The following CDH18 variants were observed in gnomAD, a reference collection of about 807,000 sequenced individuals.
CDH18 encodes the protein cadherin 18.
A neutral mutation model predicts 67.9 loss-of-function variants in CDH18; 31 were observed. The ratio of observed to expected loss-of-function variants is 0.46; its 90% CI spans 0.34 to 0.62. The LOEUF (loss-of-function observed/expected upper bound fraction) is 0.62. Among genes scored for constraint, CDH18 ranks in the 20% least tolerant of loss-of-function variants. The pLI is 0.01. For synonymous variants in CDH18, 362 were observed against 347.2 expected, an observed-to-expected ratio of 1.04 and a Z score of -0.48; for missense variants, 890 against 975.5, an observed-to-expected ratio of 0.91 and a Z score of 1.17.
intron 1 of CDH18, among the ~76,000 whole-genome samples, chr5:20,368,083 G>T (rs1381390130): frequency 6.6e-6 from 1 of 152,148 alleles, no homozygotes; most frequent in Non-Finnish European, 1.5e-5. Context: ...TGGGACTCCT[G>T]GGGTGAAATG....
chr5:19,487,424 A>C (rs1046971901), intron 11 of CDH18, among the ~76,000 whole-genome samples: 2 of 152,132 alleles, frequency 1.3e-5, no homozygotes, highest in African/African-American at 4.8e-5. Context: ...ATTTTAAACC[A>C]ATAATATGTG....
chr5:19,721,168 T>C (rs1766039916), intron 5 of CDH18, among the ~76,000 whole-genome samples, 179 bp downstream of exon 5: 1 of 152,208 alleles, frequency 6.6e-6, no homozygotes, highest in Admixed American at 6.5e-5. Flanking sequence ...AAGCATAATA[T>C]ATGTACATTA....
intron 1 of CDH18, among the ~76,000 whole-genome samples, chr5:20,377,702 A>G (rs1743576276): frequency 6.6e-6 from 1 of 152,214 alleles, no homozygotes; most frequent in Non-Finnish European, 1.5e-5. Context: ...ATACCACAGC[A>G]TCTAAATCAT....
chr5:19,746,178 T>C (rs1240226997), intron 4 of CDH18, among the ~76,000 whole-genome samples: 1 of 152,080 alleles, frequency 6.6e-6, no homozygotes, highest in East Asian at 1.9e-4. Flanking sequence ...CAAAAATAAA[T>C]TCAAATAGCT....
chr5:20,292,366 G>A (rs1158831174), intron 1 of CDH18, among the ~76,000 whole-genome samples: 2 of 152,116 alleles, frequency 1.3e-5, no homozygotes, highest in Non-Finnish European at 2.9e-5. Flanking sequence ...GAGAAATAAA[G>A]GAGAGAAATG....
intron 1 of CDH18, among the ~76,000 whole-genome samples, chr5:20,553,583 C>T (rs1392240084): frequency 1.3e-5 from 2 of 152,086 alleles, no homozygotes; most frequent in African/African-American, 4.8e-5. Context: ...AACCATGTTC[C>T]CAGGAAGATG....
intron 10 of CDH18, among the ~76,000 whole-genome samples, chr5:19,503,455 A>T (rs979746195): frequency 3.9e-5 from 6 of 152,110 alleles, no homozygotes; most frequent in African/African-American, 1.4e-4. Flanking sequence ...TATTGTTTGC[A>T]TAAATATAAA....
intron 2 of CDH18, among the ~76,000 whole-genome samples, chr5:20,139,913 T>G (rs922002974): frequency 2.2e-4 from 33 of 152,182 alleles, no homozygotes; most frequent in African/African-American, 8.0e-4. Flanking sequence ...AGTGTAGTGT[T>G]TCCTTAAGGA....
At chr5:19,663,250 C>A (rs1169752208) in intron 5 of CDH18, among the ~76,000 whole-genome samples, 1 of 151,862 alleles carries the variant, frequency 6.6e-6, no homozygotes, top group East Asian at 1.9e-4. Flanking sequence ...AATGTTCTAT[C>A]CCCCTGCAAA....
intron 4 of CDH18, among the ~76,000 whole-genome samples, chr5:19,743,387 C>A (rs74969506): frequency 0.015 from 2,286 of 152,192 alleles, 52 homozygotes; most frequent in African/African-American, 0.053. Context: ...GACTGACAAA[C>A]TCTTTTTTTT....
chr5:19,623,757 A>C (rs538183924), intron 5 of CDH18, among the ~76,000 whole-genome samples: 2 of 151,490 alleles, frequency 1.3e-5, no homozygotes, highest in East Asian at 3.9e-4. Context: ...ATATAATTTT[A>C]AATATATTAA....
chr5:19,567,995 C>A (rs921506281), intron 8 of CDH18, among the ~76,000 whole-genome samples: 1 of 152,242 alleles, frequency 6.6e-6, no homozygotes, highest in East Asian at 1.9e-4. Flanking sequence ...TATATAGACA[C>A]CTATCTCTGA....
chr5:20,461,055 G>A (rs1051798926), intron 1 of CDH18, among the ~76,000 whole-genome samples: 1 of 152,292 alleles, frequency 6.6e-6, no homozygotes, highest in South Asian at 2.1e-4. Flanking sequence ...TCTTCCTGAA[G>A]GATACAGGTA....
chr5:20,428,992 A>T (rs1406577582), intron 1 of CDH18, among the ~76,000 whole-genome samples: 1 of 152,146 alleles, frequency 6.6e-6, no homozygotes, highest in Non-Finnish European at 1.5e-5. Context: ...TCATTTCCCA[A>T]GGGAGAATGC....
At chr5:20,199,258 C>T (rs1452964970) in intron 2 of CDH18, among the ~76,000 whole-genome samples, 2 of 152,254 alleles carry the variant, frequency 1.3e-5, no homozygotes, top group Admixed American at 1.3e-4. Flanking sequence ...GGGGCTGTAC[C>T]CTGCAAAGCC....
chr5:20,052,322 T>C (rs927078810), intron 2 of CDH18, among the ~76,000 whole-genome samples: 8 of 152,100 alleles, frequency 5.3e-5, no homozygotes, highest in African/African-American at 1.9e-4. Flanking sequence ...ATCTCTTTGC[T>C]AGTCAGACTT....
At chr5:20,314,214 G>C (rs1441855890) in intron 1 of CDH18, among the ~76,000 whole-genome samples, 1 of 151,854 alleles carries the variant, frequency 6.6e-6, no homozygotes, top group African/African-American at 2.4e-5. Flanking sequence ...CCATTAACTT[G>C]AAATTCAAGA....
In CDH18 at chr5:19,866,170, C is replaced by T. The variant is rs529490805; in HGVS notation, c.-256-26928G>A. Among the ~76,000 whole-genome samples the T allele has an allele frequency of 2.6e-5, 4 of 152,280 alleles. No homozygotes were observed. The East Asian group carries it at 5.8e-4, about 22-fold the overall frequency. ...TCTTAAAACACATGAAGCATTTTCT[C>T]GCTACAAAATGAAGCATGCCTTGAG... On this transcript the variant is annotated intron_variant, in intron 2 of 12. Transcript: ENST00000382275.
chr5:20,194,669 TAA>T (rs370885749), intron 2 of CDH18, among the ~76,000 whole-genome samples: 1 of 139,278 alleles, frequency 7.2e-6, no homozygotes, highest in East Asian at 2.8e-4. Context: ...TTTTTTTTTT[TAA>T]AAAGAATGGT....
Sources: gnomAD v4.1 joint callset for allele counts (sites outside exome capture counted in the v4.1 genomes callset) on GRCh38, gnomAD v4.1.1 for gene constraint, MANE v1.5 for transcripts, NCBI Gene and HGNC (gene_info 2026-07-23, HGNC 2026-07-21) for gene names.